VAV2: variants seen among roughly 807,000 people sequenced by gnomAD.
The protein encoded by VAV2 is guanine nucleotide exchange factor VAV2.
A neutral mutation model predicts 132.5 loss-of-function variants in VAV2; 67 were observed. The ratio of observed to expected loss-of-function variants is 0.51; its 90% CI spans 0.42 to 0.62. VAV2 has a LOEUF of 0.62. Among genes scored for constraint, VAV2 ranks in the 20% least tolerant of loss-of-function variants. The pLI, the probability that VAV2 is intolerant of heterozygous loss-of-function variation, is 0.00. For missense variants in VAV2, 938 were observed against 1,153.6 expected (o/e 0.81, Z 2.71); for synonymous variants, 492 against 443.5 (o/e 1.11, Z -1.37).
Position 133,884,305 on chromosome 9 carries a change from C to T in VAV2, c.322-22873G>A, listed in dbSNP as rs1009161769. Among the ~76,000 whole-genome samples, 1 of 152,240 alleles carries T rather than the reference C, an allele frequency of 6.6e-6. No individual in the cohort carries two copies. Among genetic ancestry groups the T allele is most frequent in the Non-Finnish European group, 1.5e-5 (1 of 68,040 alleles). On this transcript the variant is annotated intron_variant, in intron 2 of 29. Coordinates refer to ENST00000371850, the MANE Select transcript of VAV2 (RefSeq NM_001134398.2). The surrounding 1 kb of genome is among the most constrained non-coding windows in gnomAD (Gnocchi z 5.3). ...AACATGTGATCATTACCCACCACCA[C>T]CACGCGTCCTGCCTCCCAGCTGGAC...
At position 133,770,395 on chromosome 9, in the gene VAV2, G is replaced by A. The variant is rs1833579169; in HGVS notation, c.2330C>T (p.Ala777Val). ...YKSRERSASR[A>V]SSRSPASCAS... ...GGCGTTACCTGGGGACCGGCTGGAG[G>A]CCCTGGAGGCCGAACGTTCCCGGGA... Residue 777 changes from alanine (A) to valine (V), a missense_variant, in exon 27 of 30, where the codon GCC becomes GTC. Coordinates refer to ENST00000371850, the MANE Select transcript of VAV2 (RefSeq NM_001134398.2). 2 of 1,614,030 alleles carry A rather than the reference G, an allele frequency of 1.2e-6. No individual in the cohort carries two copies. The highest frequency in any genetic ancestry group is 1.7e-6 in the Non-Finnish European group (2 of 1,179,906).
At chr9:133,936,443 G>A (rs1429760318) in intron 2 of VAV2, among the ~76,000 whole-genome samples, 1 of 151,960 alleles carries the variant, frequency 6.6e-6, no homozygotes, top group Non-Finnish European at 1.5e-5. Context: ...GGGTTTCACC[G>A]TGTTGCCCAG....
chr9:133,922,886 A>G (rs763827823), intron 2 of VAV2, among the ~76,000 whole-genome samples: 1 of 152,236 alleles, frequency 6.6e-6, no homozygotes, highest in Non-Finnish European at 1.5e-5. Flanking sequence ...TGCCCAGCAA[A>G]AGAACTTATC....
At chr9:133,787,284 A>C in intron 15 of VAV2, 24 bp from the exon 16 acceptor site, 1 of 1,576,380 alleles carries the variant, frequency 6.3e-7, no homozygotes, top group Non-Finnish European at 8.6e-7. Context: ...AGAGGAGAGG[A>C]AGGGGAAGAC....
At chr9:133,778,661 T>C (rs1437330466) in intron 22 of VAV2, 101 bp downstream of exon 22, 2 of 1,487,700 alleles carry the variant, frequency 1.3e-6, no homozygotes, top group East Asian at 2.4e-5. Flanking sequence ...CTCACCTCTC[T>C]GCCTCTGCCT....
intron 21 of VAV2, among the ~76,000 whole-genome samples, chr9:133,779,643 G>A (rs12555778): frequency 0.087 from 13,218 of 152,282 alleles, 617 homozygotes; most frequent in Admixed American, 0.11. Flanking sequence ...GCTGCAGTTC[G>A]GTGGCCCTCC....
intron 1 of VAV2, among the ~76,000 whole-genome samples, chr9:133,981,487 G>A (rs987872909): frequency 6.6e-6 from 1 of 152,200 alleles, no homozygotes; most frequent in Admixed American, 6.5e-5. Flanking sequence ...GGCAGGCGGC[G>A]GGTGAGGGCC....
chr9:133,840,235 G>A lies in VAV2; in HGVS notation c.381-5895C>T, dbSNP rs748598583. Among the ~76,000 whole-genome samples the A allele has an allele frequency of 9.9e-5, 15 of 152,162 alleles. No homozygotes were observed. Among genetic ancestry groups the A allele is most frequent in the Non-Finnish European group, 1.6e-4 (11 of 68,016 alleles). ...CCTGAGCATGCATTTCCTCGTGCCC[G>A]GCTTCGGGAAGCAGAGTTTCCCACT... is the stretch of plus-strand genomic sequence containing the variant. On this transcript the variant is annotated intron_variant, in intron 3 of 29. Transcript: ENST00000371850. This position sits in a 1 kb window ranked among gnomAD's most constrained non-coding sequence, Gnocchi z 4.5.
At chr9:133,790,822 C>A (rs1030909679) in intron 13 of VAV2, among the ~76,000 whole-genome samples, 1 of 152,236 alleles carries the variant, frequency 6.6e-6, no homozygotes, top group Non-Finnish European at 1.5e-5. Context: ...CTGCTGGCAC[C>A]GGGTGGGTGT....
intron 2 of VAV2, among the ~76,000 whole-genome samples, chr9:133,903,508 G>A (rs1839524555): frequency 6.6e-6 from 1 of 152,202 alleles, no homozygotes; most frequent in South Asian, 2.1e-4. Context: ...TCACCTGCCA[G>A]TCAGGAGAGG....
chr9:133,982,100 A>G (rs1842712532), intron 1 of VAV2, among the ~76,000 whole-genome samples: 1 of 152,186 alleles, frequency 6.6e-6, no homozygotes. Flanking sequence ...GGGGGCAGGA[A>G]AGGCTTCCCA....
rs1396671718 is a variant in VAV2, at chr9:133,826,881, G to T, written c.449+7391C>A. On this transcript the variant is annotated intron_variant, in intron 4 of 29. Coordinates refer to ENST00000371850, the MANE Select transcript of VAV2 (RefSeq NM_001134398.2). The surrounding 1 kb of genome is among the most constrained non-coding windows in gnomAD (Gnocchi z 4.2). ...GCAGCCTACTTCACAGACAGGCAAG[G>T]GCAACCCTGCCACAGCGGCACCAGT... Among the ~76,000 whole-genome samples, 1 of 152,152 alleles carries T rather than the reference G, an allele frequency of 6.6e-6. No homozygotes were observed. Among genetic ancestry groups the T allele is most frequent in the Non-Finnish European group, 1.5e-5 (1 of 68,028 alleles).
chr9:133,851,766 T>C (rs1385022215), intron 3 of VAV2, among the ~76,000 whole-genome samples: 2 of 148,322 alleles, frequency 1.3e-5, no homozygotes, highest in South Asian at 4.3e-4. Context: ...GGTGGATGCA[T>C]GGATGGGTGG....
intron 4 of VAV2, among the ~76,000 whole-genome samples, chr9:133,827,552 G>C (rs71483209): frequency 0.016 from 266 of 16,624 alleles, 2 homozygotes; most frequent in Non-Finnish European, 0.064. Context: ...GGCATCGCCA[G>C]CTACCGCTGC....
Position 133,889,219 on chromosome 9 carries a change from G to C in VAV2, c.322-27787C>G, listed in dbSNP as rs559042801. Among the ~76,000 whole-genome samples the C allele has an allele frequency of 5.9e-5, 9 of 152,302 alleles. No individual in the cohort carries two copies. In the South Asian group the frequency reaches 1.9e-3, roughly 32 times the overall value. On this transcript the variant is annotated intron_variant, in intron 2 of 29. Transcript: ENST00000371850. ...CAAGCTGACCCCCAGGTCTTGGCCT[G>C]GGTTCCTCGTCCAGGAAACTAGAGT...
At chr9:133,792,530 G>A (rs3824556) in intron 12 of VAV2, among the ~76,000 whole-genome samples, 49,740 of 122,864 alleles carry the variant, frequency 0.4, 8,278 homozygotes, top group Middle Eastern at 0.44. Context: ...GTGTGTTATT[G>A]TGTGTGTGTA....
chr9:133,951,846 C>T (rs1164332816), intron 1 of VAV2, among the ~76,000 whole-genome samples: 2 of 152,160 alleles, frequency 1.3e-5, no homozygotes, highest in Admixed American at 1.3e-4. Context: ...TCTTAGGCAG[C>T]TGCTCAGGAT....
intron 2 of VAV2, among the ~76,000 whole-genome samples, chr9:133,923,352 G>C (rs1840362809): frequency 6.6e-6 from 1 of 152,180 alleles, no homozygotes; most frequent in South Asian, 2.1e-4. Flanking sequence ...TATATAGCCA[G>C]AAGAATTCAA....
rs1835092399 is a variant in VAV2 at position 133,805,381 on chromosome 9, C to A, written c.836+700G>T. Reference sequence around the variant, plus strand: ...ACCCCTTCGGGCTCCTCCAAAGGATCCCCGAGGGACAGAGAGCTTGGCACC... The same window carrying A: ...ACCCCTTCGGGCTCCTCCAAAGGATACCCGAGGGACAGAGAGCTTGGCACC... On this transcript the variant is annotated intron_variant, in intron 9 of 29. Transcript: ENST00000371850. Among the ~76,000 whole-genome samples the A allele has an allele frequency of 2.0e-5, 3 of 152,272 alleles. 1 individual carries two copies. In the South Asian group the frequency reaches 6.2e-4, roughly 32 times the overall value.
Sources: allele counts gnomAD v4.1 joint callset (sites outside exome capture counted in the v4.1 genomes callset), GRCh38; gene constraint gnomAD v4.1.1; non-coding constraint Gnocchi (gnomAD v3.1); transcripts MANE v1.5; gene names NCBI Gene and HGNC (gene_info 2026-07-23, HGNC 2026-07-21).